CDH11: variants seen among roughly 807,000 people sequenced by gnomAD.
The protein encoded by CDH11 is cadherin-11.
Under a neutral mutation model 67.8 loss-of-function variants are expected in CDH11, and 11 were observed. The ratio of observed to expected loss-of-function variants is 0.16; its 90% CI spans 0.10 to 0.27. The LOEUF (loss-of-function observed/expected upper bound fraction) is 0.27. Ranked by LOEUF, CDH11 falls within the 10% of genes least tolerant of loss-of-function variation. The pLI is 1.00. For missense variants in CDH11, 847 were observed against 1,031.2 expected (o/e 0.82, Z 2.45); for synonymous variants, 419 against 400.0 (o/e 1.05, Z -0.57).
chr16:64,963,972 G>A (rs1010349489), intron 11 of CDH11, among the ~76,000 whole-genome samples: 1 of 152,270 alleles, frequency 6.6e-6, no homozygotes. Flanking sequence ...TCTTTAGAGG[G>A]AAGAACATGG....
intron 12 of CDH11, chr16:64,948,728 C>T: frequency 1.2e-6 from 2 of 1,603,496 alleles, no homozygotes; most frequent in Non-Finnish European, 1.7e-6. Flanking sequence ...AGCTGGAAGC[C>T]CAGATAAAGC....
In CDH11 at chr16:64,992,898, G is replaced by A. The variant is rs199560471; in HGVS notation, c.643+17C>T. On this transcript the variant is annotated intron_variant, in intron 5 of 12. Transcript: ENST00000268603. Reference sequence around the variant, plus strand: ...TATTCACCATGTGTCACAAATCACAGTGACATTCCACAGTACCTGTCTGTG... The same window carrying A: ...TATTCACCATGTGTCACAAATCACAATGACATTCCACAGTACCTGTCTGTG... 6.2e-7 allele frequency: 1 copy of A among 1,611,894 alleles called. No homozygotes were observed. Among genetic ancestry groups the A allele is most frequent in the Non-Finnish European group, 8.5e-7 (1 of 1,178,570 alleles).
In CDH11 at chr16:64,947,298, A is replaced by C. The variant is rs2071218827; in HGVS notation, c.*305T>G. On this transcript the variant is annotated 3_prime_UTR_variant, in exon 13 of 13. Coordinates refer to ENST00000268603, the MANE Select transcript of CDH11 (RefSeq NM_001797.4). ...ACTTGGATGTTCATAACACATAAAC[A>C]ATTTCCCTTCATTGTCAGTTCAGCG... The C allele has an allele frequency of 8.5e-7, 1 of 1,170,782 alleles. No homozygotes were observed. Among genetic ancestry groups the C allele is most frequent in the African/African-American group, 1.6e-5 (1 of 64,230 alleles). The allele number at this position is 1,170,782 out of a possible 1,614,324, so 72.5% of individuals were successfully genotyped here.
intron 1 of CDH11, among the ~76,000 whole-genome samples, chr16:65,110,485 C>T (rs1567585343): frequency 6.6e-6 from 1 of 152,088 alleles, no homozygotes; most frequent in Admixed American, 6.6e-5. Context: ...TGCCATACAA[C>T]GAGAAGAGTG....
chr16:65,112,086 A>T (rs1181420822), intron 1 of CDH11, among the ~76,000 whole-genome samples: 5 of 151,622 alleles, frequency 3.3e-5, no homozygotes, highest in Admixed American at 6.6e-5. Context: ...AAAAAAAAAA[A>T]AAGAATAAGT....
rs541979262 is a variant in CDH11, at chr16:64,948,724, A to G, written c.1895-625T>C. 28 of 1,603,586 alleles carry G rather than the reference A, an allele frequency of 1.7e-5. No homozygotes were observed. In the South Asian group the frequency reaches 3.1e-4, roughly 18 times the overall value. On this transcript the variant is annotated intron_variant, in intron 12 of 12. Coordinates refer to ENST00000268603, the MANE Select transcript of CDH11 (RefSeq NM_001797.4). ...AACATAGGAAAATAGCATCAGCTGG[A>G]AGCCCAGATAAAGCAATCTCATGTC...
At chr16:64,969,954 A>C (rs1228167063) in intron 11 of CDH11, among the ~76,000 whole-genome samples, 1 of 152,216 alleles carries the variant, frequency 6.6e-6, no homozygotes, top group Non-Finnish European at 1.5e-5. Flanking sequence ...AGAGACTTAC[A>C]AGTGCACATT....
chr16:64,948,122 T>C, intron 12 of CDH11, 23 bp from the exon 13 acceptor site: 1 of 1,599,236 alleles, frequency 6.3e-7, no homozygotes, highest in Non-Finnish European at 8.5e-7. Context: ...AAAAAGAAGG[T>C]AAGCATTCGT....
upstream of CDH11, chr16:65,123,739 GCCCCCAGTC>G (rs2075374145): frequency 6.6e-6 from 1 of 152,470 alleles, no homozygotes; most frequent in African/African-American, 2.4e-5. Flanking sequence ...CTGCGTGCCT[GCCCCCAGTC>G]CGCGTCCTGC....
At chr16:65,073,318 C>T (rs187712582) in intron 1 of CDH11, among the ~76,000 whole-genome samples, 29 of 152,298 alleles carry the variant, frequency 1.9e-4, no homozygotes, top group African/African-American at 5.8e-4. Context: ...CAGAGTCTCC[C>T]TCTTTCACCC....
intron 3 of CDH11, among the ~76,000 whole-genome samples, chr16:65,000,434 C>T (rs1427668154): frequency 6.6e-6 from 1 of 152,140 alleles, no homozygotes; most frequent in Non-Finnish European, 1.5e-5. Context: ...GAGAAAAAGA[C>T]CTTGGTTCTA....
intron 1 of CDH11, among the ~76,000 whole-genome samples, chr16:65,076,961 C>G (rs1169404746): frequency 6.6e-6 from 1 of 152,032 alleles, no homozygotes; most frequent in Non-Finnish European, 1.5e-5. Context: ...GAGCTTTGAT[C>G]AACCCCATTT....
intron 2 of CDH11, among the ~76,000 whole-genome samples, chr16:65,031,995 C>T (rs1044054080): frequency 9.2e-5 from 14 of 152,080 alleles, no homozygotes; most frequent in Non-Finnish European, 8.8e-5. Context: ...CTCAGATTTA[C>T]AAGGATGTGC....
intron 2 of CDH11, among the ~76,000 whole-genome samples, chr16:65,028,152 T>C (rs1284025174): frequency 6.6e-6 from 1 of 152,220 alleles, no homozygotes; most frequent in Non-Finnish European, 1.5e-5. Flanking sequence ...CACACGTTTA[T>C]GCCTTGTTTC....
intron 2 of CDH11, among the ~76,000 whole-genome samples, chr16:65,030,506 A>G (rs563422937): frequency 6.6e-6 from 1 of 152,304 alleles, no homozygotes; most frequent in African/African-American, 2.4e-5. Flanking sequence ...GCCCATGCGT[A>G]GTCCTCACAA....
chr16:64,993,499 T>G (rs550127871), intron 4 of CDH11, among the ~76,000 whole-genome samples: 4 of 152,316 alleles, frequency 2.6e-5, no homozygotes, highest in African/African-American at 9.6e-5. Flanking sequence ...CATTTTATTG[T>G]TGCTTTGCAT....
intron 2 of CDH11, among the ~76,000 whole-genome samples, chr16:65,022,805 T>G (rs1597103230): frequency 2.0e-5 from 3 of 151,292 alleles, no homozygotes; most frequent in South Asian, 2.1e-4. Flanking sequence ...CCAGTGAGGG[T>G]CCCCACAGCA....
chr16:65,011,642 C>T (rs571718450), intron 2 of CDH11, among the ~76,000 whole-genome samples: 1 of 152,202 alleles, frequency 6.6e-6, no homozygotes, highest in African/African-American at 2.4e-5. Flanking sequence ...TTAAGACAGC[C>T]TTTTTATTGG....
chr16:64,967,526 G>A (rs2071872713), intron 11 of CDH11, among the ~76,000 whole-genome samples: 1 of 152,154 alleles, frequency 6.6e-6, no homozygotes. Flanking sequence ...GATATTTGGC[G>A]AAGGTGTGGA....
Sources: allele counts gnomAD v4.1 joint callset (sites outside exome capture counted in the v4.1 genomes callset), GRCh38; gene constraint gnomAD v4.1.1; transcripts MANE v1.5; gene names NCBI Gene and HGNC (gene_info 2026-07-23, HGNC 2026-07-21).